Variants in IQGAP1 observed in about 807,000 individuals in gnomAD.
IQGAP1 encodes IQ motif containing GTPase activating protein 1.
In IQGAP1, 66 loss-of-function variants were observed where a neutral mutation model predicts 215.6. That is an observed-to-expected ratio of 0.31 (90% CI 0.25 to 0.38). The LOEUF is 0.38. Among genes scored for constraint, IQGAP1 ranks in the 10% least tolerant of loss-of-function variants. The pLI is 1.00. For missense variants in IQGAP1, 1,712 were observed against 1,997.1 expected, an observed-to-expected ratio of 0.86 and a Z score of 2.72; for synonymous variants, 772 against 728.7, an observed-to-expected ratio of 1.06 and a Z score of -0.96.
At chr15:90,466,603 T>TCC (rs372502355) in intron 17 of IQGAP1, among the ~76,000 whole-genome samples, 167 bp downstream of exon 17, 139 of 143,388 alleles carry the variant, frequency 9.7e-4, no homozygotes, top group African/African-American at 3.3e-3. Flanking sequence ...AAAATATCCT[T>TCC]CCCCCCCCCC....
At chr15:90,398,127 C>T (rs1343890084) in intron 2 of IQGAP1, among the ~76,000 whole-genome samples, 1 of 151,956 alleles carries the variant, frequency 6.6e-6, no homozygotes, top group Non-Finnish European at 1.5e-5. Context: ...CTCAGGTGAT[C>T]CACCCGCCTT....
At chr15:90,476,224 G>A (rs1486598968) in intron 23 of IQGAP1, among the ~76,000 whole-genome samples, 1 of 152,018 alleles carries the variant, frequency 6.6e-6, no homozygotes, top group Non-Finnish European at 1.5e-5. Context: ...GTGAGCCGCT[G>A]CACCCAGCCA....
chr15:90,441,545 G>A lies in IQGAP1; in HGVS notation c.689G>A (p.Arg230His), dbSNP rs372323221. 1.4e-5 allele frequency: 22 copies of A among 1,612,794 alleles called. No homozygotes were observed. In the African/African-American group the frequency reaches 1.6e-4, roughly 12 times the overall value. The change falls in exon 8 of 38, where the codon CGT (arginine) becomes CAT (histidine). Residue 230 changes from arginine (R) to histidine (H), a missense_variant. By Grantham distance (29) the Arg-to-His change is conservative. Transcript: ENST00000268182. ...ATTGCTATTAATGAAGCTATTGACC[G>A]TAGAATTCCAGCCGACACATTTGCA... Reference protein sequence around the residue: ...AVIAINEAIDRRIPADTFAAL... With the variant: ...AVIAINEAIDHRIPADTFAAL...
intron 2 of IQGAP1, among the ~76,000 whole-genome samples, chr15:90,416,546 C>T (rs1317227657): frequency 6.6e-6 from 1 of 151,788 alleles, no homozygotes; most frequent in African/African-American, 2.4e-5. Context: ...TCCTATTTCT[C>T]CACATCCTCT....
Position 90,474,048 on chromosome 15 carries a change from C to CTTA in IQGAP1, c.2506-14_2506-13insATT. 6.2e-7 allele frequency: 1 copy of CTTA among 1,612,114 alleles called. No individual in the cohort carries two copies. Among genetic ancestry groups the CTTA allele is most frequent in the South Asian group, 1.1e-5 (1 of 90,886 alleles). On this transcript the variant is annotated splice_polypyrimidine_tract_variant and intron_variant, in intron 21 of 37. Coordinates refer to ENST00000268182, the MANE Select transcript of IQGAP1 (RefSeq NM_003870.4). Reference sequence around the variant, plus strand: ...AGACAGATGAACAGAGAAATTTCTTCTTTTTTGTTCCTTAGATAAATGACA... The same window carrying CTTA: ...AGACAGATGAACAGAGAAATTTCTTCTTATTTTTTGTTCCTTAGATAAATGACA...
intron 1 of IQGAP1, 74 bp downstream of exon 1, chr15:90,388,470 C>G: frequency 1.7e-6 from 2 of 1,183,246 alleles, no homozygotes; most frequent in South Asian, 1.5e-5. Context: ...TTCCTGGGGG[C>G]TCGGCCGGGC....
chr15:90,411,197 T>C (rs1964960119), intron 2 of IQGAP1, among the ~76,000 whole-genome samples: 1 of 152,208 alleles, frequency 6.6e-6, no homozygotes, highest in Non-Finnish European at 1.5e-5. Flanking sequence ...CTCTCATGTA[T>C]CTTTATTATA....
intron 1 of IQGAP1, among the ~76,000 whole-genome samples, chr15:90,389,642 T>A (rs1048194944): frequency 1.3e-5 from 2 of 151,888 alleles, no homozygotes; most frequent in Non-Finnish European, 2.9e-5. Context: ...AACAGAGCCT[T>A]GAAGAATGCT....
At chr15:90,485,969 C>G (rs1145326) in intron 30 of IQGAP1, 61 bp from the exon 31 acceptor site, 1 of 1,262,302 alleles carries the variant, frequency 7.9e-7, no homozygotes, top group Non-Finnish European at 1.1e-6. Flanking sequence ...GTTAGACATT[C>G]TAGGGAGGGA....
At chr15:90,455,727 C>G (rs1378393168) in intron 14 of IQGAP1, among the ~76,000 whole-genome samples, 1 of 152,208 alleles carries the variant, frequency 6.6e-6, no homozygotes, top group Non-Finnish European at 1.5e-5. Context: ...GAAGAGATTG[C>G]TAAGCCTTGT....
In IQGAP1 at chr15:90,453,218, T is replaced by C; in HGVS notation, c.1413T>C (p.Asp471=). 1.9e-6 allele frequency: 3 copies of C among 1,614,040 alleles called. No homozygotes were observed. Among genetic ancestry groups the C allele is most frequent in the Non-Finnish European group, 2.5e-6 (3 of 1,179,928 alleles). ...TCAACAGGGCATTGGAATCAGGAGA[T>C]GTGAATACAGTGTGGAAGCAATTGA... is the stretch of plus-strand genomic sequence containing the variant. ...ALINRALESG[D]VNTVWKQLSS... is the part of the protein sequence containing the mutation. The change falls in exon 13 of 38, where the codon GAT becomes GAC. Residue 471 remains aspartate (D), a synonymous_variant. Transcript: ENST00000268182.
chr15:90,467,165 C>G (rs1965844050), intron 17 of IQGAP1, among the ~76,000 whole-genome samples: 1 of 152,098 alleles, frequency 6.6e-6, no homozygotes, highest in South Asian at 2.1e-4. Flanking sequence ...GACAGACAGG[C>G]CTTAAACTTT....
chr15:90,476,179 C>T (rs1413930381), intron 23 of IQGAP1, among the ~76,000 whole-genome samples: 1 of 152,074 alleles, frequency 6.6e-6, no homozygotes, highest in Non-Finnish European at 1.5e-5. Context: ...GGTGATCCTC[C>T]TGCCTCAGCC....
chr15:90,492,523 A>G, intron 34 of IQGAP1, 22 bp from the exon 35 acceptor site: 1 of 1,577,880 alleles, frequency 6.3e-7, no homozygotes, highest in Non-Finnish European at 8.6e-7. Flanking sequence ...TTATTTTTCT[A>G]ACTTTAATAA....
At chr15:90,475,440 A>G (rs1467838994) in intron 23 of IQGAP1, among the ~76,000 whole-genome samples, 2 of 152,076 alleles carry the variant, frequency 1.3e-5, no homozygotes, top group Admixed American at 1.3e-4. Flanking sequence ...CCCGGCCATC[A>G]TAAGCTTTTA....
At position 90,390,568 on chromosome 15, in the gene IQGAP1, A is replaced by C. The variant is rs185434146; in HGVS notation, c.56-206A>C. On this transcript the variant is annotated intron_variant, in intron 1 of 37. Transcript: ENST00000268182. ...ACTTAGTACATATTTATATTATCATACATTTTTAAAAAGGTCAAGATGATT... is the reference window on the plus strand; with the variant it reads ...ACTTAGTACATATTTATATTATCATCCATTTTTAAAAAGGTCAAGATGATT... Among the ~76,000 whole-genome samples, 694 of 152,360 alleles carry C rather than the reference A, an allele frequency of 4.6e-3. 3 individuals are homozygous for C. The highest frequency in any genetic ancestry group is 0.016 in the African/African-American group (669 of 41,574).
Position 90,397,865 on chromosome 15 carries a change from T to TG in IQGAP1, c.155+6992_155+6993insG, listed in dbSNP as rs1252950496. The TG allele has an allele frequency of 4.9e-5, 5 of 102,168 alleles. No individual in the cohort carries two copies. In the East Asian group the frequency reaches 2.0e-3, roughly 41 times the overall value. The allele number at this position is 102,168 out of a possible 1,614,324, so 6.3% of individuals were successfully genotyped here. A position where few individuals can be genotyped will look rare whatever the true frequency, so the allele number is the denominator to read the frequency against. On this transcript the variant is annotated intron_variant, in intron 2 of 37. Transcript: ENST00000268182. The stretch of plus-strand genomic sequence containing the variant: ...GCACCTGGATAAAGGATATCCTGAA[T>TG]TTTTTCTTTTCTTTTTTTTTTTCTT...
In IQGAP1 at chr15:90,476,932, G is replaced by C. The variant is rs1228021472; in HGVS notation, c.2940+114G>C. On this transcript the variant is annotated intron_variant, in intron 24 of 37. Coordinates refer to ENST00000268182, the MANE Select transcript of IQGAP1 (RefSeq NM_003870.4). ...TTTTGACTTCCACTGAGGGGTGAGT[G>C]AGGGGCACTGTAACATGTTAATTTA... is the stretch of plus-strand genomic sequence containing the variant. The C allele has an allele frequency of 3.8e-6, 5 of 1,318,438 alleles. No homozygotes were observed. In the East Asian group the frequency reaches 9.3e-5, roughly 24 times the overall value. 81.7% of individuals were successfully genotyped at this position (1,318,438 alleles called of 1,614,324 possible). A position where few individuals can be genotyped will look rare whatever the true frequency, so the allele number is the denominator to read the frequency against.
chr15:90,455,678 G>A (rs1300208997), intron 14 of IQGAP1, among the ~76,000 whole-genome samples: 1 of 152,230 alleles, frequency 6.6e-6, no homozygotes, highest in African/African-American at 2.4e-5. Flanking sequence ...CCTGCGCTTG[G>A]ATCTTTCTTC....
Sources: gnomAD v4.1 joint callset for allele counts (sites outside exome capture counted in the v4.1 genomes callset) on GRCh38, gnomAD v4.1.1 for gene constraint, MANE v1.5 for transcripts, NCBI Gene and HGNC (gene_info 2026-07-23, HGNC 2026-07-21) for gene names.